Variants in ARAP2 observed in about 807,000 individuals in gnomAD.
ARAP2 encodes the protein arf-GAP with Rho-GAP domain, ANK repeat and PH domain-containing protein 2.
Under a neutral mutation model 194.5 loss-of-function variants are expected in ARAP2, and 148 were observed. The observed-to-expected ratio is 0.76, with a 90% CI of 0.67 to 0.87. The LOEUF (loss-of-function observed/expected upper bound fraction) is 0.87. Among genes scored for constraint, ARAP2 ranks in the 40% least tolerant of loss-of-function variants. ARAP2 has a pLI of 0.00. For missense variants in ARAP2, 2,128 were observed against 1,989.7 expected, an observed-to-expected ratio of 1.07 and a Z score of -1.32; for synonymous variants, 695 against 683.5, an observed-to-expected ratio of 1.02 and a Z score of -0.26.
chr4:36,161,206 TAAAAA>T (rs574056073), intron 12 of ARAP2, among the ~76,000 whole-genome samples: 1 of 149,216 alleles, frequency 6.7e-6, no homozygotes, highest in Non-Finnish European at 1.5e-5. Context: ...GTTCTAGCAT[TAAAAA>T]AAAACAAGCT....
intron 27 of ARAP2, among the ~76,000 whole-genome samples, chr4:36,096,375 A>G (rs13147473): frequency 0.1 from 12,719 of 121,904 alleles, 720 homozygotes; most frequent in African/African-American, 0.17. Context: ...AAAAAAAAAA[A>G]AAAAAGAAAA....
chr4:36,225,699 C>T (rs1385583456), intron 2 of ARAP2, among the ~76,000 whole-genome samples: 5 of 151,978 alleles, frequency 3.3e-5, no homozygotes, highest in Admixed American at 1.3e-4. Flanking sequence ...CAGGAGGGCA[C>T]GTGTCCAGGG....
chr4:36,125,464 T>C (rs1010912012), intron 21 of ARAP2, among the ~76,000 whole-genome samples: 1 of 152,016 alleles, frequency 6.6e-6, no homozygotes, highest in Non-Finnish European at 1.5e-5. Context: ...CCTGGAACTA[T>C]GAACTGTACA....
chr4:36,083,568 CAT>C lies in ARAP2; in HGVS notation c.4426-120_4426-119del, dbSNP rs1577799873. ...GTTTCTCAGTGTTTCATAAAACAAA[CAT>C]TTCATGAGTTTAGTAAATGAAGACT... On this transcript the variant is annotated intron_variant, in intron 28 of 32. Transcript: ENST00000303965. 3 of 706,690 alleles carry C rather than the reference CAT, an allele frequency of 4.2e-6. No homozygotes were observed. The East Asian group carries it at 8.7e-5, about 21-fold the overall frequency. The allele number at this position is 706,690 out of a possible 1,614,324, so 43.8% of individuals were successfully genotyped here.
At position 36,147,755 on chromosome 4, in the gene ARAP2, AC is replaced by A. The variant is rs1460845089; in HGVS notation, c.3001-10del. On this transcript the variant is annotated splice_polypyrimidine_tract_variant and intron_variant, in intron 17 of 32. Coordinates refer to ENST00000303965, the MANE Select transcript of ARAP2 (RefSeq NM_015230.4). ...AATAAGGGAACAAAATGCTGTTAAA[AC>A]AAATACAAAAAAGTAATAAAGACAG... 1 of 1,592,300 alleles carries A rather than the reference AC, an allele frequency of 6.3e-7. No homozygotes were observed. Among genetic ancestry groups the A allele is most frequent in the Admixed American group, 1.8e-5 (1 of 55,892 alleles).
At chr4:36,155,549 C>G (rs981028530) in intron 15 of ARAP2, among the ~76,000 whole-genome samples, 1 of 151,862 alleles carries the variant, frequency 6.6e-6, no homozygotes. Context: ...TGCAGCCAGG[C>G]AAGTAACCAT....
At chr4:36,106,943 T>A (rs1014507094) in intron 27 of ARAP2, among the ~76,000 whole-genome samples, 3 of 151,900 alleles carry the variant, frequency 2.0e-5, no homozygotes, top group African/African-American at 7.2e-5. Context: ...TTTCAGTTGA[T>A]AACAACACAA....
At chr4:36,096,250 A>T (rs1715187750) in intron 27 of ARAP2, among the ~76,000 whole-genome samples, 1 of 151,462 alleles carries the variant, frequency 6.6e-6, no homozygotes, top group African/African-American at 2.4e-5. Flanking sequence ...CTGTAGTACC[A>T]GCTACTCAGG....
chr4:36,107,777 C>A (rs1356802683), intron 26 of ARAP2, 84 bp from the exon 27 acceptor site: 3 of 1,345,582 alleles, frequency 2.2e-6, no homozygotes, highest in Admixed American at 2.4e-5. Flanking sequence ...TTAAAAAATC[C>A]ATTTGAAAAC....
At chr4:36,178,418 T>G (rs142249917) in intron 8 of ARAP2, among the ~76,000 whole-genome samples, 1 of 152,278 alleles carries the variant, frequency 6.6e-6, no homozygotes, top group African/African-American at 2.4e-5. Context: ...ATTAACAGAT[T>G]GTATGTGGCA....
intron 5 of ARAP2, among the ~76,000 whole-genome samples, chr4:36,035,645 T>C (rs1297973989): frequency 1.3e-5 from 2 of 151,970 alleles, no homozygotes; most frequent in Admixed American, 6.6e-5. Flanking sequence ...TTTCAGTGTT[T>C]TCCATGGCAT....
At chr4:36,062,120 C>T (rs1264228184), downstream of ARAP2, among the ~76,000 whole-genome samples, 1 of 152,024 alleles carries the variant, frequency 6.6e-6, no homozygotes, top group Admixed American at 6.6e-5. Flanking sequence ...GCTGGTTGTT[C>T]TCTTTGCTAT....
At chr4:36,112,771 A>G (rs1386745525) in intron 26 of ARAP2, among the ~76,000 whole-genome samples, 1 of 151,894 alleles carries the variant, frequency 6.6e-6, no homozygotes, top group Non-Finnish European at 1.5e-5. Flanking sequence ...GGTAATAAGT[A>G]CTATAAAGAG....
At chr4:36,049,047 AT>A (rs1359460387) in intron 3 of ARAP2, among the ~76,000 whole-genome samples, 3 of 152,026 alleles carry the variant, frequency 2.0e-5, no homozygotes, top group African/African-American at 7.2e-5. Context: ...AGAAAGTGTG[AT>A]GCCCCCAGCT....
chr4:36,048,375 C>CCT (rs1560319071), intron 3 of ARAP2, among the ~76,000 whole-genome samples: 1 of 152,026 alleles, frequency 6.6e-6, no homozygotes, highest in Non-Finnish European at 1.5e-5. Flanking sequence ...GTCTTTCCTC[C>CCT]CTCTAGTAGT....
intron 27 of ARAP2, among the ~76,000 whole-genome samples, chr4:36,094,727 G>A (rs1295409928): frequency 1.3e-5 from 2 of 152,176 alleles, no homozygotes; most frequent in South Asian, 2.1e-4. Flanking sequence ...CACCTCTAGT[G>A]TATGTGGAGC....
At chr4:36,062,380 T>G (rs1327121822), downstream of ARAP2, among the ~76,000 whole-genome samples, 1 of 152,174 alleles carries the variant, frequency 6.6e-6, no homozygotes, top group African/African-American at 2.4e-5. Context: ...CATCTGAGTT[T>G]TGGTTCATAT....
At chr4:36,053,495 A>G (rs1226027889) in intron 2 of ARAP2, among the ~76,000 whole-genome samples, 1 of 152,174 alleles carries the variant, frequency 6.6e-6, no homozygotes, top group Non-Finnish European at 1.5e-5. Context: ...CTCCTGCCCA[A>G]GATAACTACT....
chr4:36,031,818 G>A (rs536450908), intron 5 of ARAP2, among the ~76,000 whole-genome samples: 21 of 151,982 alleles, frequency 1.4e-4, no homozygotes, highest in East Asian at 5.8e-4. Flanking sequence ...ACAGGCGCCC[G>A]CCACCACACC....
Sources: allele counts gnomAD v4.1 joint callset (sites outside exome capture counted in the v4.1 genomes callset), GRCh38; gene constraint gnomAD v4.1.1; transcripts MANE v1.5; gene names NCBI Gene and HGNC (gene_info 2026-07-23, HGNC 2026-07-21).